ROBO2: variants seen among roughly 807,000 people sequenced by gnomAD.
The protein encoded by ROBO2 is roundabout homolog 2.
A neutral mutation model predicts 160.8 loss-of-function variants in ROBO2; 53 were observed. The ratio of observed to expected loss-of-function variants is 0.33; its 90% CI spans 0.26 to 0.41. The LOEUF is 0.41. Among genes scored for constraint, ROBO2 ranks in the 10% least tolerant of loss-of-function variants. ROBO2 has a pLI of 1.00. For synonymous variants in ROBO2, 664 were observed against 611.7 expected (o/e 1.09, Z -1.26); for missense variants, 1,577 against 1,722.4 (o/e 0.92, Z 1.49).
intron 1 of ROBO2, among the ~76,000 whole-genome samples, chr3:75,928,263 C>A (rs1303492343): frequency 1.3e-5 from 2 of 152,140 alleles, no homozygotes; most frequent in African/African-American, 2.4e-5. Context: ...GGATTACAGG[C>A]GTGAGCCACC....
intron 2 of ROBO2, among the ~76,000 whole-genome samples, chr3:76,646,203 T>C (rs2090962384): frequency 6.6e-6 from 1 of 152,190 alleles, no homozygotes; most frequent in South Asian, 2.1e-4. Flanking sequence ...GATACCCTTG[T>C]AGTCCTGGGA....
intron 2 of ROBO2, among the ~76,000 whole-genome samples, chr3:76,450,771 A>G (rs1008306367): frequency 1.3e-5 from 2 of 152,186 alleles, no homozygotes; most frequent in Admixed American, 1.3e-4. Context: ...GCAAATTTCA[A>G]ATGCTTGCAT....
At chr3:77,522,434 T>A (rs812330) in intron 5 of ROBO2, among the ~76,000 whole-genome samples, 31,218 of 151,036 alleles carry the variant, frequency 0.21, 3,962 homozygotes, top group Non-Finnish European at 0.29. Context: ...TAATGAAATA[T>A]AACTCACCAA....
intron 2 of ROBO2, among the ~76,000 whole-genome samples, chr3:76,038,191 T>G (rs72890393): frequency 0.03 from 4,554 of 152,048 alleles, 288 homozygotes; most frequent in African/African-American, 0.1. Context: ...GTTTTGCAAA[T>G]ATATGTCTAG....
chr3:76,236,838 A>G (rs1167418504), intron 2 of ROBO2, among the ~76,000 whole-genome samples: 2 of 152,152 alleles, frequency 1.3e-5, no homozygotes, highest in Non-Finnish European at 2.9e-5. Flanking sequence ...ATAACGTAAG[A>G]TCTGGTAGGA....
intron 2 of ROBO2, among the ~76,000 whole-genome samples, chr3:76,955,981 C>T (rs988863400): frequency 9.2e-5 from 14 of 151,938 alleles, no homozygotes; most frequent in Admixed American, 3.9e-4. Context: ...TGGCCTTAAC[C>T]CACAAATGTG....
At chr3:77,429,479 C>T (rs1053290474) in intron 2 of ROBO2, among the ~76,000 whole-genome samples, 1 of 152,042 alleles carries the variant, frequency 6.6e-6, no homozygotes, top group Non-Finnish European at 1.5e-5. Flanking sequence ...TCATCAAAAT[C>T]CTATTTTGCT....
intron 2 of ROBO2, among the ~76,000 whole-genome samples, chr3:76,137,657 G>A (rs145465370): frequency 6.9e-4 from 105 of 151,500 alleles, no homozygotes; most frequent in Non-Finnish European, 1.1e-3. Flanking sequence ...AGATCAAAGT[G>A]TTGGCAGAGT....
intron 2 of ROBO2, among the ~76,000 whole-genome samples, chr3:76,599,829 T>C (rs1490580216): frequency 6.6e-6 from 1 of 152,234 alleles, no homozygotes. Flanking sequence ...CATATGCTTT[T>C]GGCCACATGT....
At chr3:77,496,945 C>A (rs564670449) in intron 5 of ROBO2, among the ~76,000 whole-genome samples, 1 of 152,118 alleles carries the variant, frequency 6.6e-6, no homozygotes, top group East Asian at 1.9e-4. Flanking sequence ...CAGTAACTAC[C>A]TTTAATGAAA....
At chr3:76,054,703 G>T (rs1160577252) in intron 2 of ROBO2, among the ~76,000 whole-genome samples, 1 of 152,156 alleles carries the variant, frequency 6.6e-6, no homozygotes, top group East Asian at 1.9e-4. Context: ...ATCAGTGGAG[G>T]TCCATAATAA....
At chr3:76,930,164 C>T (rs1344078270) in intron 2 of ROBO2, among the ~76,000 whole-genome samples, 1 of 152,134 alleles carries the variant, frequency 6.6e-6, no homozygotes, top group Non-Finnish European at 1.5e-5. Flanking sequence ...AGTGGGACTA[C>T]AGGCACGTGC....
At chr3:77,618,775 C>CT (rs544567891) in intron 22 of ROBO2, among the ~76,000 whole-genome samples, 103 of 152,268 alleles carry the variant, frequency 6.8e-4, no homozygotes, top group African/African-American at 2.2e-3. Context: ...AGCCTCTTTT[C>CT]TTAAGATATT....
At chr3:77,377,698 T>C (rs536758385) in intron 2 of ROBO2, among the ~76,000 whole-genome samples, 5 of 152,356 alleles carry the variant, frequency 3.3e-5, no homozygotes, top group Admixed American at 2.6e-4. Context: ...GACTGAAGGT[T>C]ATTGACTTAC....
intron 1 of ROBO2, among the ~76,000 whole-genome samples, chr3:75,925,219 C>T (rs1187207106): frequency 1.3e-5 from 2 of 151,750 alleles, no homozygotes; most frequent in Non-Finnish European, 2.9e-5. Flanking sequence ...ATGGTGAAAC[C>T]CCATCTCTAC....
chr3:76,979,199 C>G (rs1357653406), intron 2 of ROBO2, among the ~76,000 whole-genome samples: 1 of 152,102 alleles, frequency 6.6e-6, no homozygotes, highest in East Asian at 1.9e-4. Flanking sequence ...CTGCCTCAGC[C>G]TCTCAAAGTG....
intron 2 of ROBO2, among the ~76,000 whole-genome samples, chr3:77,474,319 G>A (rs1041046086): frequency 6.6e-6 from 1 of 152,032 alleles, no homozygotes; most frequent in African/African-American, 2.4e-5. Context: ...CTCAGGGTAC[G>A]CTAATAAATT....
chr3:77,600,795 A>G (rs890197723), intron 19 of ROBO2, among the ~76,000 whole-genome samples: 1 of 152,226 alleles, frequency 6.6e-6, no homozygotes, highest in African/African-American at 2.4e-5. Flanking sequence ...AGTATGCTTA[A>G]CATCAAATTT....
At chr3:77,118,891 G>T (rs761961749) in intron 2 of ROBO2, among the ~76,000 whole-genome samples, 1 of 152,090 alleles carries the variant, frequency 6.6e-6, no homozygotes, top group Non-Finnish European at 1.5e-5. Context: ...AACCTGTACA[G>T]CATGTTAGTA....
Sources: allele counts gnomAD v4.1 joint callset (sites outside exome capture counted in the v4.1 genomes callset), GRCh38; gene constraint gnomAD v4.1.1; transcripts MANE v1.5; gene names NCBI Gene and HGNC (gene_info 2026-07-23, HGNC 2026-07-21).